NAALADL2: variants seen among roughly 807,000 people sequenced by gnomAD.
NAALADL2 encodes the protein inactive N-acetylated-alpha-linked acidic dipeptidase-like protein 2.
NAALADL2 carries 76 observed loss-of-function variants against 87.2 expected under a neutral mutation model. The ratio of observed to expected loss-of-function variants is 0.87; its 90% CI spans 0.72 to 1.05. NAALADL2 has a LOEUF of 1.05. Among genes scored for constraint, NAALADL2 ranks in the 50% least tolerant of loss-of-function variants. The pLI is 0.00. For missense variants in NAALADL2, 1,089 were observed against 945.8 expected (o/e 1.15, Z -1.99); for synonymous variants, 354 against 331.0 (o/e 1.07, Z -0.75).
chr3:174,919,723 A>G (rs1734891916), intron 1 of NAALADL2, among the ~76,000 whole-genome samples: 1 of 152,178 alleles, frequency 6.6e-6, no homozygotes, highest in South Asian at 2.1e-4. Flanking sequence ...ATAGAATGAT[A>G]AATTATTTCC....
At chr3:174,729,134 T>C (rs1445473454) in intron 2 of NAALADL2, among the ~76,000 whole-genome samples, 1 of 152,032 alleles carries the variant, frequency 6.6e-6, no homozygotes, top group Non-Finnish European at 1.5e-5. Flanking sequence ...TCTAAGAATC[T>C]GTGTAATGTC....
At position 175,471,702 on chromosome 3, in the gene NAALADL2, G is replaced by A; in HGVS notation, c.1597G>A (p.Gly533Arg). 1 of 1,602,792 alleles carries A rather than the reference G, an allele frequency of 6.2e-7. No individual in the cohort carries two copies. Among genetic ancestry groups the A allele is most frequent in the Non-Finnish European group, 8.5e-7 (1 of 1,171,810 alleles). The change falls in exon 9 of 14, where the codon GGG (glycine) becomes AGG (arginine). Residue 533 changes from glycine (G) to arginine (R), a missense_variant. Physicochemically the swap from Gly to Arg is moderately radical, Grantham distance 125 (BLOSUM62 -2). Coordinates refer to ENST00000454872, the MANE Select transcript of NAALADL2 (RefSeq NM_207015.3). The stretch of plus-strand genomic sequence containing the variant: ...TATTAGCCTCCACAGTCCCATAAGG[G>A]GGAACTCTAGTCTGTATCCTGTAGC... Reference protein sequence around the residue: ...AYISLHSPIRGNSSLYPVASP... With the variant: ...AYISLHSPIRRNSSLYPVASP...
chr3:175,187,011 T>C (rs1327952325), intron 2 of NAALADL2, among the ~76,000 whole-genome samples: 1 of 152,144 alleles, frequency 6.6e-6, no homozygotes, highest in Non-Finnish European at 1.5e-5. Context: ...TCTTTTATTT[T>C]ATAATAAATA....
chr3:175,319,886 C>T (rs1379456577), intron 4 of NAALADL2, among the ~76,000 whole-genome samples: 1 of 152,122 alleles, frequency 6.6e-6, no homozygotes, highest in Non-Finnish European at 1.5e-5. Flanking sequence ...TCTCATTTAG[C>T]AATACTCTTG....
chr3:175,396,268 G>C (rs9817724), intron 5 of NAALADL2, among the ~76,000 whole-genome samples: 49,291 of 151,710 alleles, frequency 0.32, 8,230 homozygotes, highest in East Asian at 0.48. Flanking sequence ...TGAGTAAAGT[G>C]TTAGAAAATA....
At chr3:174,877,081 A>C in intron 1 of NAALADL2, among the ~76,000 whole-genome samples, 1 of 152,106 alleles carries the variant, frequency 6.6e-6, no homozygotes, top group Non-Finnish European at 1.5e-5. Context: ...CCTAATTATC[A>C]CCAAAAGGTC....
rs989557963 is a variant in NAALADL2, at chr3:175,222,458, C to A, written c.546-11473C>A. 3.3e-5 allele frequency among the ~76,000 whole-genome samples: 5 copies of A among 152,284 alleles called. No individual in the cohort carries two copies. The East Asian group carries it at 9.7e-4, about 29-fold the overall frequency. ...TAGTATTACTGGAAAACTTTAAATT[C>A]TCTGAAATGTTTCCTACTCAGCTAT... On this transcript the variant is annotated intron_variant, in intron 2 of 13. Transcript: ENST00000454872.
intron 10 of NAALADL2, among the ~76,000 whole-genome samples, chr3:175,618,227 G>A (rs1391850058): frequency 1.3e-5 from 2 of 152,140 alleles, no homozygotes; most frequent in Admixed American, 1.3e-4. Context: ...TTTGGCTTAC[G>A]TCCTGTAGAG....
At chr3:175,547,737 G>A (rs2149483649) in intron 9 of NAALADL2, among the ~76,000 whole-genome samples, 1 of 151,810 alleles carries the variant, frequency 6.6e-6, no homozygotes, top group East Asian at 1.9e-4. Flanking sequence ...ATAAAGTAGT[G>A]GGCAGAGGTC....
At position 175,259,265 on chromosome 3, in the gene NAALADL2, A is replaced by G. The variant is rs114234548; in HGVS notation, c.939+2735A>G. ...TAATACATTGGGAAGGAAATAACAG[A>G]CCACACCCCTTTCCCCAAAAGCAGA... On this transcript the variant is annotated intron_variant, in intron 4 of 13. Transcript: ENST00000454872. 6.2e-3 allele frequency among the ~76,000 whole-genome samples: 951 copies of G among 152,228 alleles called. 12 individuals carry two copies. The highest frequency in any genetic ancestry group is 0.022 in the African/African-American group (916 of 41,520).
chr3:175,518,361 G>T (rs1460112672), intron 9 of NAALADL2, among the ~76,000 whole-genome samples: 1 of 152,056 alleles, frequency 6.6e-6, no homozygotes, highest in African/African-American at 2.4e-5. Context: ...GACCCATAAG[G>T]CAGATCCTAA....
chr3:175,177,351 A>C (rs1735834166), intron 2 of NAALADL2, among the ~76,000 whole-genome samples: 1 of 152,072 alleles, frequency 6.6e-6, no homozygotes, highest in Non-Finnish European at 1.5e-5. Context: ...TTTCACACCT[A>C]TTCTCTATCC....
chr3:175,181,519 A>G (rs1393643860), intron 2 of NAALADL2, among the ~76,000 whole-genome samples: 1 of 151,302 alleles, frequency 6.6e-6, no homozygotes, highest in Non-Finnish European at 1.5e-5. Context: ...CTTTGCTTCT[A>G]TGAGTTTAAT....
intron 2 of NAALADL2, among the ~76,000 whole-genome samples, chr3:175,137,721 T>C (rs1395348469): frequency 1.3e-5 from 2 of 151,590 alleles, no homozygotes; most frequent in Non-Finnish European, 2.9e-5. Context: ...TGCCTCAGAC[T>C]CCCAAGTAGC....
intron 3 of NAALADL2, among the ~76,000 whole-genome samples, chr3:174,846,082 C>T (rs1253672511): frequency 6.6e-6 from 1 of 152,028 alleles, no homozygotes; most frequent in Non-Finnish European, 1.5e-5. Flanking sequence ...ACTGGGGGAC[C>T]CTCCTGTAGC....
chr3:174,519,042 C>G lies in NAALADL2; in HGVS notation c.-183-31527C>G, dbSNP rs1038477847. Among the ~76,000 whole-genome samples, 7 of 152,140 alleles carry G rather than the reference C, an allele frequency of 4.6e-5. No individual in the cohort carries two copies. In the East Asian group the frequency reaches 9.6e-4, roughly 21 times the overall value. On this transcript the variant is annotated intron_variant, in intron 1 of 3. Coordinates refer to the NAALADL2 transcript ENST00000434257. ...GGTATCTCTCTGTATTTCTTTATCTCTCTTTCTCTGTCTCCATCACCTACC... is the reference window on the plus strand; with the variant it reads ...GGTATCTCTCTGTATTTCTTTATCTGTCTTTCTCTGTCTCCATCACCTACC...
At chr3:175,231,048 T>G (rs1037729230) in intron 2 of NAALADL2, among the ~76,000 whole-genome samples, 2 of 151,974 alleles carry the variant, frequency 1.3e-5, no homozygotes, top group Admixed American at 1.3e-4. Context: ...CCTGGAGGAA[T>G]CTCAGACACC....
chr3:175,197,587 G>T (rs781742747), intron 2 of NAALADL2, among the ~76,000 whole-genome samples: 2 of 151,492 alleles, frequency 1.3e-5, no homozygotes, highest in African/African-American at 2.4e-5. Context: ...ACAAGGAAGA[G>T]AACTGATTTT....
intron 2 of NAALADL2, among the ~76,000 whole-genome samples, chr3:174,621,542 CTA>C (rs1245750977): frequency 6.6e-6 from 1 of 151,820 alleles, no homozygotes; most frequent in Non-Finnish European, 1.5e-5. Flanking sequence ...CCCTTGAGGT[CTA>C]TATATATAGA....
Sources: gnomAD v4.1 joint callset for allele counts (sites outside exome capture counted in the v4.1 genomes callset) on GRCh38, gnomAD v4.1.1 for gene constraint, MANE v1.5 for transcripts, NCBI Gene and HGNC (gene_info 2026-07-23, HGNC 2026-07-21) for gene names.